Variants in ZNF835 observed in about 807,000 individuals in gnomAD.
ZNF835 encodes zinc finger protein 835.
For missense variants in ZNF835, 783 were observed against 758.4 expected (o/e 1.03, Z -0.38); for synonymous variants, 323 against 324.7 (o/e 0.99, Z 0.06).
At chr19:56,667,239 G>A (rs532860592) in intron 1 of ZNF835, among the ~76,000 whole-genome samples, 19 of 152,326 alleles carry the variant, frequency 1.2e-4, no homozygotes, top group South Asian at 4.1e-4. Context: ...GGACCTGCAC[G>A]CTGGCGAGAA....
At chr19:56,669,280 G>C (rs909864979) in intron 1 of ZNF835, among the ~76,000 whole-genome samples, 2 of 152,294 alleles carry the variant, frequency 1.3e-5, no homozygotes, top group Admixed American at 1.3e-4. Context: ...AGAGCACCAT[G>C]CCCTCTCTGG....
chr19:56,663,071 G>C lies in ZNF835; in HGVS notation c.*514C>G, dbSNP rs371364681. The stretch of plus-strand genomic sequence containing the variant: ...AGCTACTCGGGAGGCTGAGGTAGGG[G>C]AATCACTTGAACCCGGGAGGCGGAG... On this transcript the variant is annotated 3_prime_UTR_variant, in exon 2 of 2. Coordinates refer to ENST00000537055, the MANE Select transcript of ZNF835 (RefSeq NM_001005850.3). The C allele has an allele frequency of 3.9e-5, 6 of 155,088 alleles. No homozygotes were observed. The East Asian group carries it at 9.6e-4, about 25-fold the overall frequency. 9.6% of individuals were successfully genotyped at this position (155,088 alleles called of 1,614,324 possible). A position where few individuals can be genotyped will look rare whatever the true frequency, so the allele number is the denominator to read the frequency against.
At chr19:56,667,621 G>A (rs557635442) in intron 1 of ZNF835, among the ~76,000 whole-genome samples, 2 of 152,312 alleles carry the variant, frequency 1.3e-5, no homozygotes, top group Admixed American at 6.5e-5. Flanking sequence ...GAGAGTGCTC[G>A]GCCTTTGGCT....
chr19:56,671,518 C>T (rs1442987784), intron 1 of ZNF835, 58 bp downstream of exon 1: 2 of 152,608 alleles, frequency 1.3e-5, no homozygotes, highest in African/African-American at 2.4e-5. Context: ...CACAATGGCA[C>T]TCGGGGACGG....
At position 56,663,516 on chromosome 19, in the gene ZNF835, A is replaced by G; in HGVS notation, c.*69T>C. 1 of 1,588,988 alleles carries G rather than the reference A, an allele frequency of 6.3e-7. No individual in the cohort carries two copies. The highest frequency in any genetic ancestry group is 8.6e-7 in the Non-Finnish European group (1 of 1,168,238). On this transcript the variant is annotated 3_prime_UTR_variant, in exon 2 of 2. Transcript: ENST00000537055. The stretch of plus-strand genomic sequence containing the variant: ...CTTCTCTGAGCCTCGGTTTCCTCAC[A>G]GGAAGCGTCGGGGATAACACAGTAT...
Position 56,663,983 on chromosome 19 carries a change from T to C in ZNF835, c.1216A>G (p.Ile406Val), listed in dbSNP as rs766554767. Residue 406 changes from isoleucine to valine, a missense_variant, in exon 2 of 2, where the codon ATA becomes GTA. Physicochemically the swap from Ile to Val is conservative, Grantham distance 29. Coordinates refer to ENST00000537055, the MANE Select transcript of ZNF835 (RefSeq NM_001005850.3). ...CCGGTGTGGATCTTCTGGTGCTCTATAAGCGAGGACACGTGGCTGAAGGCG... is the reference window on the plus strand; with the variant it reads ...CCGGTGTGGATCTTCTGGTGCTCTACAAGCGAGGACACGTGGCTGAAGGCG... Reference protein sequence around the residue: ...GAAFSHVSSLIEHQKIHTGER... With the variant: ...GAAFSHVSSLVEHQKIHTGER... The C allele has an allele frequency of 6.2e-7, 1 of 1,612,666 alleles. No homozygotes were observed. Among genetic ancestry groups the C allele is most frequent in the South Asian group, 1.1e-5 (1 of 91,042 alleles).
Position 56,663,816 on chromosome 19 carries a change from C to CA in ZNF835, c.1382dup (p.Ile462AspfsTer49). On this transcript the variant is annotated frameshift_variant, in exon 2 of 2. Transcript: ENST00000537055. LOFTEE classifies it low-confidence loss of function (END_TRUNC). The stretch of plus-strand genomic sequence containing the variant: ...CGGTGTGCACGATGTGGTGCTGGAT[C>CA]AGGTAGGAGCGGTTGCTGAAGGCCT... 3 of 1,613,294 alleles carry CA rather than the reference C, an allele frequency of 1.9e-6. No homozygotes were observed. Among genetic ancestry groups the CA allele is most frequent in the Non-Finnish European group, 2.5e-6 (3 of 1,179,780 alleles).
At chr19:56,665,331 CTTAGCA>C in intron 1 of ZNF835, 86 bp from the exon 2 acceptor site, 1 of 1,235,442 alleles carries the variant, frequency 8.1e-7, no homozygotes, top group Non-Finnish European at 1.2e-6. Context: ...CTGGTAAGAA[CTTAGCA>C]TGGGGTCCCT....
At chr19:56,666,839 G>C (rs1388851687) in intron 1 of ZNF835, among the ~76,000 whole-genome samples, 1 of 152,170 alleles carries the variant, frequency 6.6e-6, no homozygotes, top group Non-Finnish European at 1.5e-5. Context: ...TGAGGACACA[G>C]GGAGAAGGCG....
intron 1 of ZNF835, among the ~76,000 whole-genome samples, chr19:56,665,800 C>G (rs2045240278): frequency 6.6e-6 from 1 of 152,144 alleles, no homozygotes; most frequent in African/African-American, 2.4e-5. Context: ...GAGACCCTGT[C>G]TGAATTTTCT....
At chr19:56,670,208 A>C (rs2045277019) in intron 1 of ZNF835, among the ~76,000 whole-genome samples, 1 of 152,258 alleles carries the variant, frequency 6.6e-6, no homozygotes, top group Non-Finnish European at 1.5e-5. Context: ...AGAGTTGCAG[A>C]AGACACTCCT....
In ZNF835 at chr19:56,663,678, G is replaced by A. The variant is rs1273989837; in HGVS notation, c.1521C>T (p.Pro507=). ...AGAGCCCAGGTGTTGAGTCAGGCGTGGGAGCTGGGCAAAGGCGTCCCGAAC... is the reference window on the plus strand; with the variant it reads ...AGAGCCCAGGTGTTGAGTCAGGCGTAGGAGCTGGGCAAAGGCGTCCCGAAC... The part of the protein sequence containing the change: ...ADSSGRLCPA[P]TPDSTPGLSQ... Residue 507 remains proline, a synonymous_variant, in exon 2 of 2, where the codon CCC becomes CCT. Transcript: ENST00000537055. 6.2e-7 allele frequency: 1 copy of A among 1,614,042 alleles called. No homozygotes were observed. Among genetic ancestry groups the A allele is most frequent in the Admixed American group, 1.7e-5 (1 of 60,034 alleles).
rs112096556 is a variant in ZNF835, at chr19:56,667,196, T to C, written c.-47-1951A>G. On this transcript the variant is annotated intron_variant, in intron 1 of 1. Coordinates refer to ENST00000537055, the MANE Select transcript of ZNF835 (RefSeq NM_001005850.3). ...GTTACTTCTAGTGGGGCTGTGATGC[T>C]GAAGGATTTATACCAATTGCCTGGT... is the stretch of plus-strand genomic sequence containing the variant. Among the ~76,000 whole-genome samples, 249 of 152,366 alleles carry C rather than the reference T, an allele frequency of 1.6e-3. 1 individual carries two copies. The highest frequency in any genetic ancestry group is 5.8e-3 in the African/African-American group (242 of 41,586).
Position 56,662,609 on chromosome 19 carries a change from T to G in ZNF835, c.*976A>C, listed in dbSNP as rs1425656600. On this transcript the variant is annotated 3_prime_UTR_variant, in exon 2 of 2. Transcript: ENST00000537055. ...TATTTCTATCTTAGTGAATCCAGAT[T>G]TCTTCTTCAGACTCTGCTCCTTTAG... The G allele has an allele frequency of 6.6e-6, 1 of 152,272 alleles. No individual in the cohort carries two copies. The highest frequency in any genetic ancestry group is 2.4e-5 in the African/African-American group (1 of 41,474). 9.4% of individuals were successfully genotyped at this position (152,272 alleles called of 1,614,324 possible). A position where few individuals can be genotyped will look rare whatever the true frequency, so the allele number is the denominator to read the frequency against.
intron 1 of ZNF835, 70 bp from the exon 2 acceptor site, chr19:56,665,315 G>T: frequency 7.2e-7 from 1 of 1,387,844 alleles, no homozygotes; most frequent in Non-Finnish European, 1.0e-6. Flanking sequence ...ATGGCTAACA[G>T]CTGAACTGGT....
In ZNF835 at chr19:56,664,117, G is replaced by A. The variant is rs1433322917; in HGVS notation, c.1082C>T (p.Pro361Leu). The A allele has an allele frequency of 1.2e-6, 2 of 1,606,114 alleles. No homozygotes were observed. The highest frequency in any genetic ancestry group is 2.7e-5 in the African/African-American group (2 of 74,690). ...CTTGCCGCAGTCGTGGCAGGGGTAA[G>A]GCCGCTCTCCGGTGTGCGTGCGCTG... ...QHQRTHTGER[P>L]YPCHDCGKRF... Residue 361 changes from proline (P) to leucine (L), a missense_variant, in exon 2 of 2, where the codon CCT becomes CTT. Transcript: ENST00000537055.
chr19:56,671,334 C>T (rs2045290759), intron 1 of ZNF835, among the ~76,000 whole-genome samples: 1 of 152,106 alleles, frequency 6.6e-6, no homozygotes, highest in African/African-American at 2.4e-5. Context: ...CAGTGACGGG[C>T]TGGCACCGCC....
chr19:56,669,360 G>A (rs1480757498), intron 1 of ZNF835, among the ~76,000 whole-genome samples: 4 of 152,104 alleles, frequency 2.6e-5, no homozygotes, highest in East Asian at 3.9e-4. Flanking sequence ...TGACACGGGC[G>A]TGACTGACAT....
chr19:56,664,279 G>C lies in ZNF835; in HGVS notation c.920C>G (p.Thr307Arg). 1.9e-6 allele frequency: 3 copies of C among 1,605,704 alleles called. No homozygotes were observed. Among genetic ancestry groups the C allele is most frequent in the South Asian group, 1.1e-5 (1 of 90,372 alleles). ...GAAGAGCGCGCCGCAGTCCTGGCAC[G>C]TGTAGGGCTTCTCGCCCGTGTGCAC... The part of the protein sequence containing the change: ...RRVHTGEKPY[T>R]CQDCGALFSQ... The change falls in exon 2 of 2, where the codon ACG becomes AGG. Residue 307 changes from threonine (T) to arginine (R), a missense_variant. Coordinates refer to ENST00000537055, the MANE Select transcript of ZNF835 (RefSeq NM_001005850.3).
Sources: gnomAD v4.1 joint callset for allele counts (sites outside exome capture counted in the v4.1 genomes callset) on GRCh38, gnomAD v4.1.1 for gene constraint, MANE v1.5 for transcripts, NCBI Gene and HGNC (gene_info 2026-07-23, HGNC 2026-07-21) for gene names.